Variants in STAB2 observed in about 807,000 individuals in gnomAD.
STAB2 encodes the protein stabilin 2.
A neutral mutation model predicts 338.1 loss-of-function variants in STAB2; 288 were observed. That is an observed-to-expected ratio of 0.85 (90% confidence interval 0.77 to 0.94). The LOEUF (loss-of-function observed/expected upper bound fraction) is 0.94. Ranked by LOEUF, STAB2 falls within the 40% of genes least tolerant of loss-of-function variation. STAB2 has a pLI of 0.00. For synonymous variants in STAB2, 1,202 were observed against 1,193.3 expected, an observed-to-expected ratio of 1.01 and a Z score of -0.15; for missense variants, 3,141 against 3,210.1, an observed-to-expected ratio of 0.98 and a Z score of 0.52.
chr12:103,648,194 A>G (rs1873470879), intron 9 of STAB2, among the ~76,000 whole-genome samples: 1 of 152,186 alleles, frequency 6.6e-6, no homozygotes, highest in Non-Finnish European at 1.5e-5. Flanking sequence ...AGAGACAGGC[A>G]ATCAAGGAAG....
chr12:103,766,388 CTG>C lies in STAB2; in HGVS notation c.*55_*56del. 8 of 1,564,290 alleles carry C rather than the reference CTG, an allele frequency of 5.1e-6. No homozygotes were observed. The highest frequency in any genetic ancestry group is 6.9e-6 in the Non-Finnish European group (8 of 1,154,024). ...CACTCACTGCCACCTGGGCCATCAA[CTG>C]TGAATTCTCAGCACCAGTTGCCTTT... On this transcript the variant is annotated 3_prime_UTR_variant, in exon 69 of 69. Coordinates refer to ENST00000388887, the MANE Select transcript of STAB2 (RefSeq NM_017564.10).
At chr12:103,637,988 G>C in intron 7 of STAB2, 28 bp from the exon 8 acceptor site, 1 of 1,594,968 alleles carries the variant, frequency 6.3e-7, no homozygotes, top group Non-Finnish European at 8.6e-7. Context: ...TTAACTAACT[G>C]CCTCTCATTT....
chr12:103,647,293 T>C (rs2138717155), intron 9 of STAB2, among the ~76,000 whole-genome samples: 1 of 152,154 alleles, frequency 6.6e-6, no homozygotes, highest in African/African-American at 2.4e-5. Context: ...CTATTTGCCA[T>C]GGAAATATAT....
rs201596943 is a variant in STAB2, at chr12:103,655,587, G to A, written c.1734+6G>A. 2,149 of 1,613,334 alleles carry A rather than the reference G, an allele frequency of 1.3e-3. 13 individuals are homozygous for A. The highest frequency in any genetic ancestry group is 7.2e-4 in the Non-Finnish European group (849 of 1,179,770). On this transcript the variant is annotated splice_donor_region_variant and intron_variant, in intron 15 of 68. Coordinates refer to ENST00000388887, the MANE Select transcript of STAB2 (RefSeq NM_017564.10). ...ATTACCTCCTTTCTCCAGAGGTACCGTATTCTGCTTGCTCTGATGGCATCG... is the reference window on the plus strand; with the variant it reads ...ATTACCTCCTTTCTCCAGAGGTACCATATTCTGCTTGCTCTGATGGCATCG...
At chr12:103,754,988 C>A (rs926752921) in intron 61 of STAB2, 14 of 297,196 alleles carry the variant, frequency 4.7e-5, no homozygotes, top group Admixed American at 2.7e-4. Flanking sequence ...AGAGTTCTAC[C>A]AACCCATTAG....
In STAB2 at chr12:103,763,600, C is replaced by G. The variant is rs763463565; in HGVS notation, c.7597C>G (p.Pro2533Ala). The G allele has an allele frequency of 1.9e-6, 3 of 1,613,572 alleles. No individual in the cohort carries two copies. The highest frequency in any genetic ancestry group is 1.7e-5 in the Admixed American group (1 of 59,970). Residue 2533 changes from proline (P) to alanine (A), a missense_variant, in exon 68 of 69, where the codon CCC (proline) becomes GCC (alanine). By Grantham distance (27) the Pro-to-Ala change is conservative. Coordinates refer to ENST00000388887, the MANE Select transcript of STAB2 (RefSeq NM_017564.10). Reference protein sequence around the residue: ...TSAPPEPSYDPFTDSEERQLE... With the variant: ...TSAPPEPSYDAFTDSEERQLE... ...AGCTCCCCCAGAACCTTCCTACGAC[C>G]CCTTCACGGTGAGTTTGCATTCTTA... is the stretch of plus-strand genomic sequence containing the variant.
intron 32 of STAB2, 43 bp downstream of exon 32, chr12:103,695,691 C>T: frequency 6.2e-7 from 1 of 1,614,026 alleles, no homozygotes; most frequent in Non-Finnish European, 8.5e-7. Context: ...CTCAGGTTAC[C>T]CAGGAACAGG....
chr12:103,672,035 T>C (rs1198793359), intron 22 of STAB2, among the ~76,000 whole-genome samples: 1 of 152,206 alleles, frequency 6.6e-6, no homozygotes, highest in Non-Finnish European at 1.5e-5. Context: ...TACATTATAG[T>C]TTGCTGACAG....
rs1284245186 is a variant in STAB2 at position 103,666,359 on chromosome 12, T to A, written c.2085+6T>A. 6 of 1,614,034 alleles carry A rather than the reference T, an allele frequency of 3.7e-6. No individual in the cohort carries two copies. Among genetic ancestry groups the A allele is most frequent in the Non-Finnish European group, 5.1e-6 (6 of 1,179,998 alleles). Reference sequence around the variant, plus strand: ...CTGCTAACTCTGAGCCCACAGTGAGTGTGACAGCTTCATGAAAGCACAGAT... The same window carrying A: ...CTGCTAACTCTGAGCCCACAGTGAGAGTGACAGCTTCATGAAAGCACAGAT... On this transcript the variant is annotated splice_donor_region_variant and intron_variant, in intron 19 of 68. Coordinates refer to ENST00000388887, the MANE Select transcript of STAB2 (RefSeq NM_017564.10).
chr12:103,591,857 A>C (rs371983868), intron 2 of STAB2, among the ~76,000 whole-genome samples: 10 of 152,260 alleles, frequency 6.6e-5, no homozygotes, highest in East Asian at 5.8e-4. Flanking sequence ...CATGGGGCTC[A>C]ACTGCAAATG....
intron 15 of STAB2, 45 bp downstream of exon 15, chr12:103,655,626 G>T (rs1447332468): frequency 1.2e-6 from 2 of 1,607,280 alleles, no homozygotes; most frequent in Non-Finnish European, 1.7e-6. Flanking sequence ...CAGCAGCACT[G>T]CCTCAGTCTG....
At chr12:103,681,841 G>T (rs555127322) in intron 25 of STAB2, among the ~76,000 whole-genome samples, 11 of 151,696 alleles carry the variant, frequency 7.3e-5, no homozygotes, top group African/African-American at 2.7e-4. Context: ...GGATGGTCTC[G>T]ATGTCTTCAC....
intron 3 of STAB2, among the ~76,000 whole-genome samples, chr12:103,608,238 A>T (rs939160683): frequency 5.9e-5 from 9 of 152,034 alleles, no homozygotes; most frequent in African/African-American, 1.4e-4. Flanking sequence ...TCATGGGTTC[A>T]CGCCATTCTC....
At chr12:103,610,915 AT>A (rs1326001984) in intron 3 of STAB2, among the ~76,000 whole-genome samples, 1 of 152,224 alleles carries the variant, frequency 6.6e-6, no homozygotes, top group Non-Finnish European at 1.5e-5. Context: ...TTCAAAGAAC[AT>A]CTTTATTTCT....
chr12:103,735,480 C>A lies in STAB2; in HGVS notation c.5461-11C>A, dbSNP rs774207102. On this transcript the variant is annotated splice_polypyrimidine_tract_variant and intron_variant, in intron 51 of 68. Transcript: ENST00000388887. The stretch of plus-strand genomic sequence containing the variant: ...ATTTGGGGCAGTCACGTGGTGCCAT[C>A]ACTCCTACAGGTTTTAGCTGTGGAT... The A allele has an allele frequency of 3.1e-5, 49 of 1,584,058 alleles. 1 individual carries two copies. In the South Asian group the frequency reaches 5.7e-4, roughly 18 times the overall value.
In STAB2 at chr12:103,692,828, G is replaced by C; in HGVS notation, c.3314G>C (p.Gly1105Ala). Residue 1105 changes from glycine to alanine, a missense_variant, in exon 31 of 69, where the codon GGG (glycine) becomes GCG (alanine). Coordinates refer to ENST00000388887, the MANE Select transcript of STAB2 (RefSeq NM_017564.10). ...CATTTACAGAATATCACAATTGAAG[G>C]GGCCTCCATTGTCGATGGGGACAAC... ...AKVDGNITIE[G>A]ASIVDGDNAA... 6.2e-7 allele frequency: 1 copy of C among 1,613,490 alleles called. No individual in the cohort carries two copies. The highest frequency in any genetic ancestry group is 8.5e-7 in the Non-Finnish European group (1 of 1,179,604).
At chr12:103,612,729 G>C (rs1957145032) in intron 3 of STAB2, among the ~76,000 whole-genome samples, 1 of 152,186 alleles carries the variant, frequency 6.6e-6, no homozygotes. Context: ...TTGCTGGTGA[G>C]GAGCTGCATT....
chr12:103,655,701 C>G (rs1874130545), intron 15 of STAB2, 120 bp downstream of exon 15: 3 of 1,211,974 alleles, frequency 2.5e-6, no homozygotes, highest in African/African-American at 3.0e-5. Context: ...ACCACCTACC[C>G]TCCAACAACC....
chr12:103,741,053 G>A (rs1017198372), intron 55 of STAB2, among the ~76,000 whole-genome samples: 3 of 152,120 alleles, frequency 2.0e-5, no homozygotes, highest in Non-Finnish European at 4.4e-5. Context: ...TTTTGATGCT[G>A]TGCAACATGA....
Sources: allele counts gnomAD v4.1 joint callset (sites outside exome capture counted in the v4.1 genomes callset), GRCh38; gene constraint gnomAD v4.1.1; transcripts MANE v1.5; gene names NCBI Gene and HGNC (gene_info 2026-07-23, HGNC 2026-07-21).